Variants in CREB5 observed in about 807,000 individuals in gnomAD.
CREB5 encodes the protein cyclic AMP-responsive element-binding protein 5.
A neutral mutation model predicts 57.1 loss-of-function variants in CREB5; 19 were observed. The ratio of observed to expected loss-of-function variants is 0.33; its 90% CI spans 0.23 to 0.49. The LOEUF is 0.49. Among genes scored for constraint, CREB5 ranks in the 20% least tolerant of loss-of-function variants. The probability of loss-of-function intolerance (pLI) is 0.99; values close to 1 mark genes in which losing one functional copy is unlikely to be tolerated. For synonymous variants in CREB5, 238 were observed against 238.3 expected, an observed-to-expected ratio of 1.00 and a Z score of 0.01; for missense variants, 579 against 671.6, an observed-to-expected ratio of 0.86 and a Z score of 1.52.
chr7:28,641,631 TGCTTTGGGTCCTTCACATTTCTA>T (rs1798663759), intron 5 of CREB5, among the ~76,000 whole-genome samples: 1 of 152,090 alleles, frequency 6.6e-6, no homozygotes. Flanking sequence ...ACCCAAAATG[TGCTTTGGGTCCTTCACATTTCTA>T]GCTACATCAT....
chr7:28,422,909 T>C (rs1195758835), intron 1 of CREB5, among the ~76,000 whole-genome samples: 1 of 152,180 alleles, frequency 6.6e-6, no homozygotes, highest in African/African-American at 2.4e-5. Context: ...AGTAATTTAA[T>C]AGAAATTATC....
chr7:28,709,274 T>A (rs1296616664), intron 5 of CREB5, among the ~76,000 whole-genome samples: 1 of 152,120 alleles, frequency 6.6e-6, no homozygotes, highest in African/African-American at 2.4e-5. Context: ...TAATGAAAGG[T>A]CTTTATAAAA....
At chr7:28,520,179 T>C (rs769521861) in intron 4 of CREB5, among the ~76,000 whole-genome samples, 2 of 152,208 alleles carry the variant, frequency 1.3e-5, no homozygotes, top group Non-Finnish European at 2.9e-5. Flanking sequence ...ACTACTTCAA[T>C]AGAGCCGTGT....
chr7:28,766,942 A>T (rs1029475122), intron 7 of CREB5, among the ~76,000 whole-genome samples: 1 of 152,232 alleles, frequency 6.6e-6, no homozygotes, highest in Non-Finnish European at 1.5e-5. Context: ...TGGAGTAAGG[A>T]CAGGTCATCT....
At chr7:28,632,600 A>G (rs1798245356) in intron 5 of CREB5, among the ~76,000 whole-genome samples, 1 of 152,212 alleles carries the variant, frequency 6.6e-6, no homozygotes, top group South Asian at 2.1e-4. Context: ...TGTAATGCTA[A>G]GGCAGGAAGG....
At chr7:28,454,339 C>G (rs917064158) in intron 1 of CREB5, among the ~76,000 whole-genome samples, 1 of 152,180 alleles carries the variant, frequency 6.6e-6, no homozygotes, top group African/African-American at 2.4e-5. Context: ...AAAGCTGCCA[C>G]AGTTGTAGGT....
At chr7:28,303,815 A>C (rs552889794) in intron 1 of CREB5, among the ~76,000 whole-genome samples, 1 of 152,320 alleles carries the variant, frequency 6.6e-6, no homozygotes, top group South Asian at 2.1e-4. Flanking sequence ...GATTAATGTT[A>C]ATGGGATTTT....
intron 7 of CREB5, among the ~76,000 whole-genome samples, chr7:28,783,138 C>T (rs1807086975): frequency 6.6e-6 from 1 of 152,148 alleles, no homozygotes; most frequent in East Asian, 1.9e-4. Flanking sequence ...CACTAATGTT[C>T]AATAAAATAC....
At chr7:28,572,858 C>T (rs1443341717) in intron 5 of CREB5, among the ~76,000 whole-genome samples, 6 of 152,308 alleles carry the variant, frequency 3.9e-5, no homozygotes, top group African/African-American at 1.4e-4. Flanking sequence ...CACACTCCAT[C>T]TTCCCATTTA....
At chr7:28,723,208 A>G (rs756948621) in intron 6 of CREB5, among the ~76,000 whole-genome samples, 10 of 152,212 alleles carry the variant, frequency 6.6e-5, no homozygotes, top group Non-Finnish European at 8.8e-5. Flanking sequence ...CCCTGAGGAA[A>G]GTCTAATTCT....
chr7:28,442,239 C>T (rs527516838), intron 1 of CREB5, among the ~76,000 whole-genome samples: 3 of 152,222 alleles, frequency 2.0e-5, no homozygotes, highest in South Asian at 2.1e-4. Flanking sequence ...TAATGTCCCC[C>T]GGGCTTATCC....
At chr7:28,599,562 G>T (rs1354098303) in intron 5 of CREB5, among the ~76,000 whole-genome samples, 1 of 152,154 alleles carries the variant, frequency 6.6e-6, no homozygotes, top group Non-Finnish European at 1.5e-5. Flanking sequence ...GGGCAAGACA[G>T]ATGCCCCATT....
chr7:28,626,785 AC>A (rs1302591470), intron 5 of CREB5, among the ~76,000 whole-genome samples: 1 of 152,202 alleles, frequency 6.6e-6, no homozygotes, highest in Non-Finnish European at 1.5e-5. Context: ...GGCATGGTGA[AC>A]AAGGCAAACT....
At chr7:28,502,386 C>G (rs367959887) in intron 3 of CREB5, among the ~76,000 whole-genome samples, 46 of 150,154 alleles carry the variant, frequency 3.1e-4, no homozygotes, top group African/African-American at 1.1e-3. Flanking sequence ...TAAATGTAAC[C>G]AAAAAAAAAT....
At chr7:28,585,609 G>A (rs1039083042) in intron 5 of CREB5, among the ~76,000 whole-genome samples, 7 of 152,134 alleles carry the variant, frequency 4.6e-5, no homozygotes, top group African/African-American at 7.2e-5. Flanking sequence ...TTTTTGAAGC[G>A]TCCTCTGCCT....
intron 1 of CREB5, among the ~76,000 whole-genome samples, chr7:28,365,851 C>A (rs762666540): frequency 2.6e-5 from 4 of 152,110 alleles, no homozygotes; most frequent in Non-Finnish European, 5.9e-5. Flanking sequence ...CATATAGCAC[C>A]TATAAAAATT....
intron 7 of CREB5, among the ~76,000 whole-genome samples, chr7:28,756,369 A>G (rs560378946): frequency 2.6e-5 from 4 of 152,216 alleles, no homozygotes; most frequent in African/African-American, 9.6e-5. Context: ...CCTGAGCACC[A>G]TGGAGAAACC....
chr7:28,590,643 G>T (rs536454895), intron 5 of CREB5, among the ~76,000 whole-genome samples: 2 of 150,344 alleles, frequency 1.3e-5, no homozygotes, highest in South Asian at 2.1e-4. Flanking sequence ...AAACCTGCAC[G>T]TTGTGCGCAT....
At chr7:28,475,627 G>GGT (rs1479770791) in intron 1 of CREB5, among the ~76,000 whole-genome samples, 2 of 151,940 alleles carry the variant, frequency 1.3e-5, no homozygotes, top group Non-Finnish European at 2.9e-5. Context: ...GTCACAATCT[G>GGT]TGTCAGTCTT....
Sources: allele counts gnomAD v4.1 joint callset (sites outside exome capture counted in the v4.1 genomes callset), GRCh38; gene constraint gnomAD v4.1.1; transcripts MANE v1.5; gene names NCBI Gene and HGNC (gene_info 2026-07-23, HGNC 2026-07-21).